Variants in OLAH observed in about 807,000 individuals in gnomAD.
The protein encoded by OLAH is S-acyl fatty acid synthase thioesterase, medium chain.
OLAH carries 33 observed loss-of-function variants against 27.8 expected under a neutral mutation model. That is an observed-to-expected ratio of 1.19 (90% CI 0.90 to 1.59). The LOEUF (loss-of-function observed/expected upper bound fraction) is 1.59, where lower values mean the gene tolerates loss of function less well. OLAH is among the 40% of genes most tolerant of loss of function. OLAH has a pLI of 0.00. For synonymous variants in OLAH, 120 were observed against 102.9 expected, an observed-to-expected ratio of 1.17 and a Z score of -1.01; for missense variants, 359 against 310.8, an observed-to-expected ratio of 1.16 and a Z score of -1.17.
chr10:15,062,661 G>T (rs1176852416), intron 4 of OLAH, among the ~76,000 whole-genome samples: 1 of 151,176 alleles, frequency 6.6e-6, no homozygotes, highest in Non-Finnish European at 1.5e-5. Flanking sequence ...ATTGCTTCAT[G>T]ATTTGTTTGA....
chr10:15,048,957 G>T (rs1041847026), intron 2 of OLAH, among the ~76,000 whole-genome samples: 12 of 151,994 alleles, frequency 7.9e-5, no homozygotes, highest in Non-Finnish European at 1.2e-4. Context: ...AAAAAAATTA[G>T]CTTGACATGG....
chr10:15,054,479 C>T (rs376240559), intron 3 of OLAH, among the ~76,000 whole-genome samples: 5 of 152,194 alleles, frequency 3.3e-5, no homozygotes, highest in African/African-American at 9.7e-5. Context: ...AGAGCCATTA[C>T]GATTCGCTGC....
intron 4 of OLAH, among the ~76,000 whole-genome samples, chr10:15,063,222 G>T (rs1844402208): frequency 6.6e-6 from 1 of 152,124 alleles, no homozygotes; most frequent in South Asian, 2.1e-4. Context: ...TGTCTGCCAG[G>T]CTCAAGTGAT....
At chr10:15,032,316 C>A (rs1182315414) in exon 1 of OLAH, 1 of 152,172 alleles carries the variant, frequency 6.6e-6, no homozygotes, top group Non-Finnish European at 1.5e-5. Context: ...CCTCAGCCTG[C>A]AGATGGCCTA....
upstream of OLAH, among the ~76,000 whole-genome samples, chr10:15,043,693 C>T (rs1843961768): frequency 6.6e-6 from 1 of 152,044 alleles, no homozygotes. Flanking sequence ...ATCTCAAACT[C>T]TAGACCTCAG....
intron 3 of OLAH, among the ~76,000 whole-genome samples, chr10:15,058,624 G>C (rs1022199459): frequency 2.0e-5 from 3 of 151,932 alleles, no homozygotes; most frequent in African/African-American, 7.3e-5. Context: ...AGTTTGTGGG[G>C]GGGAAAAACA....
chr10:15,071,351 T>A (rs1392822564), intron 6 of OLAH, among the ~76,000 whole-genome samples: 1 of 152,198 alleles, frequency 6.6e-6, no homozygotes, highest in Non-Finnish European at 1.5e-5. Context: ...GGGACTGTGT[T>A]TGTTTCTCCA....
At chr10:15,047,470 GA>G in intron 2 of OLAH, 150 bp downstream of exon 2, 1 of 747,522 alleles carries the variant, frequency 1.3e-6, no homozygotes, top group Non-Finnish European at 2.3e-6. Context: ...TGAGGCAGGT[GA>G]ATTACCTGAG....
chr10:15,067,397 C>T (rs1347033074), intron 6 of OLAH, among the ~76,000 whole-genome samples: 2 of 141,700 alleles, frequency 1.4e-5, no homozygotes, highest in Non-Finnish European at 3.1e-5. Flanking sequence ...TAGCACCTTT[C>T]AAGGTGTTGT....
At position 15,073,244 on chromosome 10, in the gene OLAH, A is replaced by C. The variant is rs775684071; in HGVS notation, c.*15A>C. The C allele has an allele frequency of 3.3e-6, 5 of 1,508,584 alleles. No homozygotes were observed. The highest frequency in any genetic ancestry group is 3.7e-5 in the Admixed American group (2 of 54,160). The allele number at this position is 1,508,584 out of a possible 1,614,324, so 93.4% of individuals were successfully genotyped here. Reference sequence around the variant, plus strand: ...CCAATTTTTAGATATTTTCCCTTTCACTTTTAAAATAATCAAAGTAATATC... The same window carrying C: ...CCAATTTTTAGATATTTTCCCTTTCCCTTTTAAAATAATCAAAGTAATATC... On this transcript the variant is annotated 3_prime_UTR_variant, in exon 8 of 8. Transcript: ENST00000378228.
intron 4 of OLAH, among the ~76,000 whole-genome samples, chr10:15,063,664 T>A (rs1269370311): frequency 1.3e-5 from 2 of 152,222 alleles, no homozygotes; most frequent in Admixed American, 1.3e-4. Flanking sequence ...CTTTTGTTTA[T>A]ATGTGATATA....
chr10:15,061,363 T>C (rs1396464123), intron 3 of OLAH, among the ~76,000 whole-genome samples: 1 of 152,206 alleles, frequency 6.6e-6, no homozygotes, highest in Non-Finnish European at 1.5e-5. Flanking sequence ...GTGCCTTATC[T>C]CCTGACCCTC....
rs137927460 is a variant in OLAH, at chr10:15,059,477, G to A, written c.164-2247G>A. 7.7e-3 allele frequency among the ~76,000 whole-genome samples: 1,174 copies of A among 151,706 alleles called. 14 individuals are homozygous for A. The highest frequency in any genetic ancestry group is 0.027 in the African/African-American group (1,122 of 41,418). ...GCTGGGATTACAGGCATGAGCCACC[G>A]CACCTGGCAGGCTTGAACAATTTCT... On this transcript the variant is annotated intron_variant, in intron 3 of 7. Transcript: ENST00000378228.
upstream of OLAH, among the ~76,000 whole-genome samples, chr10:15,040,592 C>T (rs1258219507): frequency 6.6e-6 from 1 of 152,140 alleles, no homozygotes; most frequent in Non-Finnish European, 1.5e-5. Context: ...CTTCCCTTCC[C>T]CACTTCCCTT....
chr10:15,067,687 TCTTCCAAA>T (rs1433255791), intron 6 of OLAH, among the ~76,000 whole-genome samples: 8 of 152,320 alleles, frequency 5.3e-5, no homozygotes, highest in Non-Finnish European at 1.2e-4. Flanking sequence ...TTTCAAAAAC[TCTTCCAAA>T]TCCTGCCCTC....
intron 4 of OLAH, 158 bp downstream of exon 4, chr10:15,062,020 T>C (rs770300327): frequency 3.0e-5 from 20 of 674,068 alleles, no homozygotes; most frequent in Non-Finnish European, 4.0e-5. Context: ...ATTCACCAGT[T>C]TGTATGGTAA....
chr10:15,068,603 C>A (rs976073699), intron 6 of OLAH, among the ~76,000 whole-genome samples: 3 of 152,076 alleles, frequency 2.0e-5, no homozygotes, highest in African/African-American at 7.2e-5. Context: ...TCATGTTGGC[C>A]AGCCTGGTCT....
upstream of OLAH, among the ~76,000 whole-genome samples, chr10:15,043,474 CTTCT>C (rs1378758097): frequency 3.6e-5 from 5 of 139,334 alleles, no homozygotes; most frequent in Non-Finnish European, 6.2e-5. Context: ...GGATTCTCTT[CTTCT>C]TTTTTTTTTT....
At chr10:15,072,675 T>C (rs1844613999) in intron 7 of OLAH, among the ~76,000 whole-genome samples, 1 of 151,566 alleles carries the variant, frequency 6.6e-6, no homozygotes. Context: ...GGAATGTCTC[T>C]GGGAGGAGGG....
Sources: allele counts gnomAD v4.1 joint callset (sites outside exome capture counted in the v4.1 genomes callset), GRCh38; gene constraint gnomAD v4.1.1; transcripts MANE v1.5; gene names NCBI Gene and HGNC (gene_info 2026-07-23, HGNC 2026-07-21).